The following HEATR5A variants were observed in gnomAD, a reference collection of about 807,000 sequenced individuals.
HEATR5A encodes HEAT repeat-containing protein 5A.
A neutral mutation model predicts 218.8 loss-of-function variants in HEATR5A; 178 were observed. The ratio of observed to expected loss-of-function variants is 0.81; its 90% CI spans 0.72 to 0.92. The LOEUF (loss-of-function observed/expected upper bound fraction) is 0.92. Ranked by LOEUF, HEATR5A falls within the 40% of genes least tolerant of loss-of-function variation. The pLI is 0.00. For missense variants in HEATR5A, 2,420 were observed against 2,418.9 expected (o/e 1.00, Z -0.01); for synonymous variants, 864 against 871.6 (o/e 0.99, Z 0.15).
At chr14:31,382,536 T>G (rs984327284) in intron 10 of HEATR5A, among the ~76,000 whole-genome samples, 10 of 152,130 alleles carry the variant, frequency 6.6e-5, no homozygotes, top group African/African-American at 2.4e-4. Context: ...AATTCCTAGC[T>G]ATTAAAAAAG....
At chr14:31,403,974 G>A (rs184464279) in intron 1 of HEATR5A, among the ~76,000 whole-genome samples, 5 of 152,218 alleles carry the variant, frequency 3.3e-5, no homozygotes, top group South Asian at 2.1e-4. Flanking sequence ...TGGTTAAATC[G>A]TGCACTCAAC....
chr14:31,342,092 T>TAA (rs1490177964), intron 21 of HEATR5A, among the ~76,000 whole-genome samples: 1 of 152,076 alleles, frequency 6.6e-6, no homozygotes, highest in African/African-American at 2.4e-5. Flanking sequence ...ATTCTCTTTT[T>TAA]AAAGTTTTAT....
At chr14:31,321,800 A>G (rs767841435) in intron 24 of HEATR5A, 120 bp from the exon 25 acceptor site, 3 of 717,560 alleles carry the variant, frequency 4.2e-6, no homozygotes, top group Non-Finnish European at 6.8e-6. Flanking sequence ...CTGACTTGAT[A>G]TACTGTTTTT....
rs1414624229 is a variant in HEATR5A, at chr14:31,400,430, T to G, written c.209A>C (p.Lys70Thr). The change falls in exon 3 of 36, where the codon AAA (lysine) becomes ACA (threonine). Residue 70 changes from lysine to threonine, a missense_variant. Coordinates refer to ENST00000543095, the MANE Select transcript of HEATR5A (RefSeq NM_015473.4). The part of the protein sequence containing the change: ...LNSSPGPPTR[K>T]LLAKNLAILY... ...TATGGCTAGATTCTTAGCAAGCAGT[T>G]TGCGGGTAGGAGGCCCTGGGGAGCT... 1.3e-6 allele frequency: 2 copies of G among 1,535,962 alleles called. No individual in the cohort carries two copies. The highest frequency in any genetic ancestry group is 1.2e-5 in the South Asian group (1 of 84,054).
intron 10 of HEATR5A, 33 bp from the exon 11 acceptor site, chr14:31,380,611 C>A: frequency 1.5e-6 from 2 of 1,367,144 alleles, no homozygotes; most frequent in South Asian, 1.3e-5. Context: ...TTAAAAAAAG[C>A]ATATCAGTTT....
At chr14:31,325,014 G>A (rs1331221806) in intron 23 of HEATR5A, among the ~76,000 whole-genome samples, 3 of 152,172 alleles carry the variant, frequency 2.0e-5, no homozygotes, top group Admixed American at 6.5e-5. Context: ...TTGGGCAACT[G>A]AGTTGGGAGC....
intron 31 of HEATR5A, 79 bp downstream of exon 31, chr14:31,306,653 A>G (rs1899564391): frequency 7.3e-7 from 1 of 1,362,290 alleles, no homozygotes; most frequent in Non-Finnish European, 9.8e-7. Flanking sequence ...GATTATCAAA[A>G]CTATATAGAT....
intron 32 of HEATR5A, among the ~76,000 whole-genome samples, chr14:31,302,964 A>T (rs867211826): frequency 1.2e-4 from 17 of 139,086 alleles, no homozygotes; most frequent in Admixed American, 1.0e-3. Context: ...AAAAAAAAAA[A>T]TGGCTGGGAT....
intron 16 of HEATR5A, among the ~76,000 whole-genome samples, chr14:31,352,660 T>C (rs1396018503): frequency 2.0e-5 from 3 of 152,084 alleles, no homozygotes; most frequent in Non-Finnish European, 4.4e-5. Flanking sequence ...AAAATCAATT[T>C]ATAAAATGTA....
intron 33 of HEATR5A, chr14:31,297,386 GT>G (rs1368228018): frequency 2.6e-5 from 4 of 152,126 alleles, no homozygotes; most frequent in African/African-American, 9.7e-5. Flanking sequence ...GGGAGGACTG[GT>G]TGAGTCCAGG....
intron 6 of HEATR5A, 78 bp downstream of exon 6, chr14:31,393,972 AAT>A: frequency 1.1e-6 from 1 of 929,246 alleles, no homozygotes; most frequent in Non-Finnish European, 1.6e-6. Flanking sequence ...AACGGGTAGC[AAT>A]AACACTATAC....
chr14:31,361,092 C>G (rs1901601404), intron 14 of HEATR5A, among the ~76,000 whole-genome samples: 1 of 152,142 alleles, frequency 6.6e-6, no homozygotes, highest in Admixed American at 6.5e-5. Context: ...TATTACTTGC[C>G]AGAGATCATA....
chr14:31,369,608 C>CAAAAAAAAA (rs71430951), intron 13 of HEATR5A, among the ~76,000 whole-genome samples: 2 of 45,160 alleles, frequency 4.4e-5, no homozygotes, highest in African/African-American at 9.3e-5. Flanking sequence ...AAAACTGTCT[C>CAAAAAAAAA]AAAAAAAAAA....
intron 23 of HEATR5A, 121 bp downstream of exon 23, chr14:31,326,042 C>A: frequency 1.4e-6 from 1 of 711,636 alleles, no homozygotes; most frequent in Non-Finnish European, 2.4e-6. Context: ...AGAAAAGCAA[C>A]AATCAGACAG....
At position 31,309,177 on chromosome 14, in the gene HEATR5A, C is replaced by T; in HGVS notation, c.4447G>A (p.Ala1483Thr). The change falls in exon 29 of 36, where the codon GCT becomes ACT. Residue 1483 changes from alanine to threonine, a missense_variant. Coordinates refer to ENST00000543095, the MANE Select transcript of HEATR5A (RefSeq NM_015473.4). ...FASQLPAEGGAFYTAETSENA... is the reference protein window; with the variant it reads ...FASQLPAEGGTFYTAETSENA... The stretch of plus-strand genomic sequence containing the variant: ...TCACTAGTCTCTGCTGTGTAGAAAG[C>T]ACCACCTAAAGCAAACAGTTTCAGG... 1.2e-6 allele frequency: 2 copies of T among 1,612,908 alleles called. No individual in the cohort carries two copies. Among genetic ancestry groups the T allele is most frequent in the Non-Finnish European group, 1.7e-6 (2 of 1,179,132 alleles).
chr14:31,390,959 T>C (rs2030429251), intron 6 of HEATR5A, among the ~76,000 whole-genome samples: 1 of 152,162 alleles, frequency 6.6e-6, no homozygotes, highest in Admixed American at 6.5e-5. Flanking sequence ...GTCACTGCCC[T>C]TGAAGACCAT....
intron 10 of HEATR5A, among the ~76,000 whole-genome samples, chr14:31,381,569 A>AG (rs2139273738): frequency 6.7e-6 from 1 of 149,700 alleles, no homozygotes; most frequent in East Asian, 2.0e-4. Context: ...AAAAAAAAAA[A>AG]AAAAAAAAAA....
intron 14 of HEATR5A, among the ~76,000 whole-genome samples, chr14:31,359,287 AGTGT>A (rs35338545): frequency 0.046 from 2,346 of 50,460 alleles, 41 homozygotes; most frequent in African/African-American, 0.11. Context: ...AAAGTGTAAG[AGTGT>A]GTGTGTGTGT....
chr14:31,311,612 G>A (rs1899754841), intron 28 of HEATR5A, among the ~76,000 whole-genome samples: 1 of 151,726 alleles, frequency 6.6e-6, no homozygotes, highest in South Asian at 2.1e-4. Context: ...AAAAGGACAA[G>A]TTACAGACTG....
Sources: allele counts gnomAD v4.1 joint callset (sites outside exome capture counted in the v4.1 genomes callset), GRCh38; gene constraint gnomAD v4.1.1; transcripts MANE v1.5; gene names NCBI Gene and HGNC (gene_info 2026-07-23, HGNC 2026-07-21).